ZNF296: variants seen among roughly 807,000 people sequenced by gnomAD.
ZNF296 encodes the protein zinc finger protein 342.
In ZNF296, 1 loss-of-function variant was observed where a neutral mutation model predicts 13.2. The observed-to-expected ratio is 0.08, with a 90% CI of 0.03 to 0.36. The LOEUF is 0.36. Ranked by LOEUF, ZNF296 falls within the 10% of genes least tolerant of loss-of-function variation. The pLI, the probability that ZNF296 is intolerant of heterozygous loss-of-function variation, is 0.99. For synonymous variants in ZNF296, 303 were observed against 289.0 expected, an observed-to-expected ratio of 1.05 and a Z score of -0.49; for missense variants, 555 against 688.2, an observed-to-expected ratio of 0.81 and a Z score of 2.16.
At chr19:45,072,980 G>A (rs894449675) in intron 2 of ZNF296, among the ~76,000 whole-genome samples, 1 of 152,072 alleles carries the variant, frequency 6.6e-6, no homozygotes, top group African/African-American at 2.4e-5. Context: ...TCGAACTCTT[G>A]GCCTCAAGTG....
Position 45,071,730 on chromosome 19 carries a change from G to A in ZNF296, c.1299C>T (p.Arg433=). 6.2e-7 allele frequency: 1 copy of A among 1,606,472 alleles called. No individual in the cohort carries two copies. The highest frequency in any genetic ancestry group is 8.5e-7 in the Non-Finnish European group (1 of 1,175,348). Residue 433 remains arginine (R), a synonymous_variant, in exon 3 of 3, where the codon CGC becomes CGT. Transcript: ENST00000303809. ...CAQSSKLNRH[R]RMHGMTPGST... is the part of the protein sequence containing the mutation. ...TGCCAGGCGTCATGCCGTGCATGCGGCGGTGGCGGTTGAGCTTACTGCTCT... is the reference window on the plus strand; with the variant it reads ...TGCCAGGCGTCATGCCGTGCATGCGACGGTGGCGGTTGAGCTTACTGCTCT...
At position 45,072,432 on chromosome 19, in the gene ZNF296, C is replaced by T; in HGVS notation, c.597G>A (p.Leu199=). Residue 199 remains leucine (L), a synonymous_variant, in exon 3 of 3, where the codon CTG becomes CTA. Coordinates refer to ENST00000303809, the MANE Select transcript of ZNF296 (RefSeq NM_145288.3). ...SEAPEAPLLG[L]AEVAAAVSAV... The stretch of plus-strand genomic sequence containing the variant: ...CCGACACGGCTGCAGCCACCTCGGC[C>T]AGGCCCAGGAGCGGGGCCTCCGGGG... 6.2e-7 allele frequency: 1 copy of T among 1,612,850 alleles called. No homozygotes were observed. The highest frequency in any genetic ancestry group is 1.1e-5 in the South Asian group (1 of 91,082).
chr19:45,071,802 G>A lies in ZNF296; in HGVS notation c.1227C>T (p.Thr409=), dbSNP rs375997900. 2.4e-5 allele frequency: 39 copies of A among 1,611,990 alleles called. No individual in the cohort carries two copies. The highest frequency in any genetic ancestry group is 2.9e-5 in the Non-Finnish European group (34 of 1,179,596). ...ACTCACAGGTGTAGGGGCGCTCCCCGGTGTGTGAGCGCCGGTGCACCGTCA... is the reference window on the plus strand; with the variant it reads ...ACTCACAGGTGTAGGGGCGCTCCCCAGTGTGTGAGCGCCGGTGCACCGTCA... ...SNLTVHRRSH[T]GERPYTCEFC... is the part of the protein sequence containing the mutation. The change falls in exon 3 of 3, where the codon ACC becomes ACT. Residue 409 remains threonine (T), a synonymous_variant. Coordinates refer to ENST00000303809, the MANE Select transcript of ZNF296 (RefSeq NM_145288.3).
intron 2 of ZNF296, among the ~76,000 whole-genome samples, chr19:45,072,831 A>G (rs1001821385): frequency 1.3e-4 from 20 of 152,160 alleles, no homozygotes; most frequent in African/African-American, 4.8e-4. Flanking sequence ...GCACGATCTC[A>G]GCTCACTGCA....
chr19:45,072,051 T>C lies in ZNF296; in HGVS notation c.978A>G (p.Gly326=). ...CCTGGACACCTGCTGTGGCGGCGGC[T>C]CCAGCCCCCTCACCACCGCTGCATG... The part of the protein sequence containing the change: ...TLPCSGGEGA[G]AAATAGVQEP... Residue 326 remains glycine, a synonymous_variant, in exon 3 of 3, where the codon GGA becomes GGG. Transcript: ENST00000303809. 6.2e-7 allele frequency: 1 copy of C among 1,612,462 alleles called. No individual in the cohort carries two copies. The highest frequency in any genetic ancestry group is 8.5e-7 in the Non-Finnish European group (1 of 1,179,914).
At position 45,071,843 on chromosome 19, in the gene ZNF296, T is replaced by C; in HGVS notation, c.1186A>G (p.Thr396Ala). ...TGCACCGTCAGGTTGCTGCTGTTGG[T>C]AAAATGCTTCCCGCAGAACTCACAG... is the stretch of plus-strand genomic sequence containing the variant. ...GSCEFCGKHF[T>A]NSSNLTVHRR... The change falls in exon 3 of 3, where the codon ACC becomes GCC. Residue 396 changes from threonine (T) to alanine (A), a missense_variant. Thr to Ala is a moderately conservative substitution (Grantham distance 58). Transcript: ENST00000303809. The C allele has an allele frequency of 6.2e-7, 1 of 1,613,106 alleles. No individual in the cohort carries two copies. The highest frequency in any genetic ancestry group is 1.1e-5 in the South Asian group (1 of 91,082).
At position 45,071,817 on chromosome 19, in the gene ZNF296, G is replaced by A. The variant is rs561288474; in HGVS notation, c.1212C>T (p.His404=). 9 of 1,613,420 alleles carry A rather than the reference G, an allele frequency of 5.6e-6. No individual in the cohort carries two copies. Among genetic ancestry groups the A allele is most frequent in the South Asian group, 3.3e-5 (3 of 91,080 alleles). Reference sequence around the variant, plus strand: ...GGCGCTCCCCGGTGTGTGAGCGCCGGTGCACCGTCAGGTTGCTGCTGTTGG... The same window carrying A: ...GGCGCTCCCCGGTGTGTGAGCGCCGATGCACCGTCAGGTTGCTGCTGTTGG... ...HFTNSSNLTV[H]RRSHTGERPY... Residue 404 remains histidine, a synonymous_variant, in exon 3 of 3, where the codon CAC becomes CAT. Coordinates refer to ENST00000303809, the MANE Select transcript of ZNF296 (RefSeq NM_145288.3).
Position 45,075,758 on chromosome 19 carries a change from GCTT to G in ZNF296, c.400_402del (p.Lys134del), listed in dbSNP as rs1292731163. The G allele has an allele frequency of 6.2e-7, 1 of 1,614,048 alleles. No individual in the cohort carries two copies. The highest frequency in any genetic ancestry group is 2.2e-5 in the East Asian group (1 of 44,890). On this transcript the variant is annotated inframe_deletion, in exon 2 of 3. Transcript: ENST00000303809. ...GGGCCTCTGAAGAGCTGACAGCCCA[GCTT>G]CTTGTGGTCCATGAAGGCAGTGATG...
Position 45,072,530 on chromosome 19 carries a change from T to C in ZNF296, c.499A>G (p.Thr167Ala). 6.2e-7 allele frequency: 1 copy of C among 1,613,446 alleles called. No homozygotes were observed. Among genetic ancestry groups the C allele is most frequent in the Non-Finnish European group, 8.5e-7 (1 of 1,179,806 alleles). Residue 167 changes from threonine to alanine, a missense_variant, in exon 3 of 3, where the codon ACA (threonine) becomes GCA (alanine). Thr to Ala is a moderately conservative substitution (Grantham distance 58). Around this residue, in one of 3 missense-constraint regions of ZNF296, gnomAD observed 410 missense variants for 548.0 expected, o/e 0.75. Coordinates refer to ENST00000303809, the MANE Select transcript of ZNF296 (RefSeq NM_145288.3). ...LSCLRCGKQF[T>A]VAWKLLRHAQ... ...TGACGCAGCAGCTTCCAGGCCACTG[T>C]GAACTGTTTGCCACAGCGCAGGCAG...
chr19:45,076,382 G>C lies in ZNF296; in HGVS notation c.-9C>G. ...GCCTTGCGGCGGGACATGAGTCGCG[G>C]GCCGGGCGAGCGAGCGGGCGGGCAG... On this transcript the variant is annotated 5_prime_UTR_variant, in exon 1 of 3. Coordinates refer to ENST00000303809, the MANE Select transcript of ZNF296 (RefSeq NM_145288.3). This position sits in a 1 kb window ranked among gnomAD's most constrained non-coding sequence, Gnocchi z 4.9. 7.7e-7 allele frequency: 1 copy of C among 1,295,504 alleles called. No homozygotes were observed. The highest frequency in any genetic ancestry group is 9.8e-7 in the Non-Finnish European group (1 of 1,022,674). The allele number at this position is 1,295,504 out of a possible 1,614,324, so 80.3% of individuals were successfully genotyped here. A position where few individuals can be genotyped will look rare whatever the true frequency, so the allele number is the denominator to read the frequency against.
At position 45,076,431 on chromosome 19, in the gene ZNF296, A is replaced by T. The variant is rs926568127; in HGVS notation, c.-58T>A. 8.4e-7 allele frequency: 1 copy of T among 1,186,808 alleles called. No individual in the cohort carries two copies. The highest frequency in any genetic ancestry group is 1.6e-5 in the African/African-American group (1 of 62,676). 73.5% of individuals were successfully genotyped at this position (1,186,808 alleles called of 1,614,324 possible). A position where few individuals can be genotyped will look rare whatever the true frequency, so the allele number is the denominator to read the frequency against. On this transcript the variant is annotated 5_prime_UTR_variant, in exon 1 of 3. Transcript: ENST00000303809. This position sits in a 1 kb window ranked among gnomAD's most constrained non-coding sequence, Gnocchi z 4.9. ...AGGCAGGCAGGCGGGCGGGCGGAGG[A>T]CGCACGAGCGGAGGACGCGCGGACC...
At chr19:45,072,694 C>T in intron 2 of ZNF296, 114 bp from the exon 3 acceptor site, 1 of 1,306,774 alleles carries the variant, frequency 7.7e-7, no homozygotes, top group East Asian at 2.4e-5. Flanking sequence ...ACACACACAC[C>T]CTGGAAGGAC....
chr19:45,072,312 G>A lies in ZNF296; in HGVS notation c.717C>T (p.Thr239=). 1 of 1,613,324 alleles carries A rather than the reference G, an allele frequency of 6.2e-7. No homozygotes were observed. Among genetic ancestry groups the A allele is most frequent in the Non-Finnish European group, 8.5e-7 (1 of 1,179,924 alleles). Residue 239 remains threonine (T), a synonymous_variant, in exon 3 of 3, where the codon ACC becomes ACT. Transcript: ENST00000303809. ...RSPTCPVCKK[T]LSSFSNLKVH... is the part of the protein sequence containing the mutation. ...CTTTGAGGTTGCTGAAGGAGCTGAGGGTCTTCTTGCACACAGGACAGGTGG... is the reference window on the plus strand; with the variant it reads ...CTTTGAGGTTGCTGAAGGAGCTGAGAGTCTTCTTGCACACAGGACAGGTGG...
At position 45,076,015 on chromosome 19, in the gene ZNF296, G is replaced by A. The variant is rs1783147454; in HGVS notation, c.298+61C>T. 1 of 1,568,862 alleles carries A rather than the reference G, an allele frequency of 6.4e-7. No individual in the cohort carries two copies. The highest frequency in any genetic ancestry group is 1.4e-5 in the African/African-American group (1 of 72,930). On this transcript the variant is annotated intron_variant, in intron 1 of 2. Transcript: ENST00000303809. This position sits in a 1 kb window ranked among gnomAD's most constrained non-coding sequence, Gnocchi z 4.9. The stretch of plus-strand genomic sequence containing the variant: ...AGGGCGAGGGGCCCATGCCCAAAGG[G>A]AAGGGTCCCACCCGAGGGTCAAAGG...
chr19:45,072,139 TC>T lies in ZNF296; in HGVS notation c.889del (p.Glu297SerfsTer105), dbSNP rs1568425530. On this transcript the variant is annotated frameshift_variant, in exon 3 of 3. Transcript: ENST00000303809. LOFTEE classifies it low-confidence loss of function (END_TRUNC). ...QSPLMADTSQ[E>X]QASAAPPEPA... ...CTCCGGAGGGGCTGCAGAGGCCTGC[TC>T]CTGGCTGGTGTCGGCCATGAGGGGG... The T allele has an allele frequency of 6.2e-7, 1 of 1,604,268 alleles. No homozygotes were observed. Among genetic ancestry groups the T allele is most frequent in the East Asian group, 2.2e-5 (1 of 44,628 alleles).
In ZNF296 at chr19:45,075,877, C is replaced by T. The variant is rs756760568; in HGVS notation, c.299-15G>A. 3 of 1,609,862 alleles carry T rather than the reference C, an allele frequency of 1.9e-6. No individual in the cohort carries two copies. Among genetic ancestry groups the T allele is most frequent in the Middle Eastern group, 1.7e-4 (1 of 5,924 alleles). ...GGGCTGGCGGTCTGCAGGGAGGAAGCGGGTGGTGAGCGTGGGGTGGGGCCA... is the reference window on the plus strand; with the variant it reads ...GGGCTGGCGGTCTGCAGGGAGGAAGTGGGTGGTGAGCGTGGGGTGGGGCCA... On this transcript the variant is annotated splice_polypyrimidine_tract_variant and intron_variant, in intron 1 of 2. Transcript: ENST00000303809.
At chr19:45,072,629 A>G in intron 2 of ZNF296, 49 bp from the exon 3 acceptor site, 1 of 1,537,144 alleles carries the variant, frequency 6.5e-7, no homozygotes, top group Non-Finnish European at 8.7e-7. Context: ...TGCCAGCTGG[A>G]CACCTTCTGT....
chr19:45,074,022 C>CA (rs201758766), intron 2 of ZNF296, among the ~76,000 whole-genome samples: 1,441 of 137,702 alleles, frequency 0.01, 31 homozygotes, highest in African/African-American at 0.035. Flanking sequence ...GACTCTGTTT[C>CA]AAAAAAAAAA....
chr19:45,076,416 G>A lies in ZNF296; in HGVS notation c.-43C>T, dbSNP rs1463440979. On this transcript the variant is annotated 5_prime_UTR_variant, in exon 1 of 3. Transcript: ENST00000303809. The surrounding 1 kb of genome is among the most constrained non-coding windows in gnomAD (Gnocchi z 4.9). ...AGCGAGCGGGCGGGCAGGCAGGCAG[G>A]CGGGCGGGCGGAGGACGCACGAGCG... 2 of 1,218,716 alleles carry A rather than the reference G, an allele frequency of 1.6e-6. No homozygotes were observed. The highest frequency in any genetic ancestry group is 3.1e-5 in the African/African-American group (2 of 63,530). The allele number at this position is 1,218,716 out of a possible 1,614,324, so 75.5% of individuals were successfully genotyped here.
Sources: allele counts gnomAD v4.1 joint callset (sites outside exome capture counted in the v4.1 genomes callset), GRCh38; gene constraint gnomAD v4.1.1; regional missense constraint gnomAD v4.1.1; non-coding constraint Gnocchi (gnomAD v3.1); transcripts MANE v1.5; gene names NCBI Gene and HGNC (gene_info 2026-07-23, HGNC 2026-07-21).